GNB4: variants seen among roughly 807,000 people sequenced by gnomAD.
GNB4 encodes the protein guanine nucleotide-binding protein subunit beta-4.
GNB4 carries 28 observed loss-of-function variants against 45.2 expected under a neutral mutation model. The observed-to-expected ratio is 0.62, with a 90% CI of 0.46 to 0.85. GNB4 has a LOEUF of 0.85. Ranked by LOEUF, GNB4 falls within the 40% of genes least tolerant of loss-of-function variation. GNB4 has a pLI of 0.00. For missense variants in GNB4, 321 were observed against 425.4 expected (o/e 0.75, Z 2.16); for synonymous variants, 132 against 143.7 (o/e 0.92, Z 0.58).
intron 1 of GNB4, among the ~76,000 whole-genome samples, chr3:179,435,468 T>TAC (rs1553769285): frequency 3.5e-4 from 17 of 48,610 alleles, no homozygotes; most frequent in Admixed American, 1.9e-3. Flanking sequence ...TCCTTTCTTT[T>TAC]ACAAAAAAAA....
chr3:179,448,008 G>A (rs1021122066), intron 1 of GNB4, among the ~76,000 whole-genome samples: 24 of 152,132 alleles, frequency 1.6e-4, no homozygotes, highest in Non-Finnish European at 3.1e-4. Flanking sequence ...TGTCAAATGT[G>A]GCTGAAGATC....
chr3:179,516,448 A>T, the GNB4 span, among the ~76,000 whole-genome samples: 2 of 152,212 alleles, frequency 1.3e-5, no homozygotes, highest in African/African-American at 4.8e-5. Context: ...TTTCTGACTC[A>T]GGGAATGTGA....
the GNB4 span, among the ~76,000 whole-genome samples, chr3:179,520,625 T>C: frequency 1.3e-5 from 2 of 152,156 alleles, no homozygotes; most frequent in African/African-American, 2.4e-5. Context: ...CTGACGCATA[T>C]ACTTTCTGCT....
chr3:179,492,912 T>C, the GNB4 span, among the ~76,000 whole-genome samples: 1 of 152,202 alleles, frequency 6.6e-6, no homozygotes, highest in Admixed American at 6.5e-5. Flanking sequence ...CTGTCACCAC[T>C]GCAGATACCT....
chr3:179,499,511 T>A, the GNB4 span, among the ~76,000 whole-genome samples: 1 of 152,196 alleles, frequency 6.6e-6, no homozygotes, highest in Non-Finnish European at 1.5e-5. Flanking sequence ...TTTGGGCTGG[T>A]TCTAAGTCTT....
the GNB4 span, among the ~76,000 whole-genome samples, chr3:179,485,005 GTTTTTTTTTT>G: frequency 3.9e-5 from 2 of 51,148 alleles, no homozygotes; most frequent in African/African-American, 1.2e-4. Flanking sequence ...TTTTCGTTTT[GTTTTTTTTTT>G]TTTTTTTTTT....
chr3:179,414,532 T>G (rs187221834), intron 6 of GNB4, among the ~76,000 whole-genome samples: 2 of 152,308 alleles, frequency 1.3e-5, no homozygotes, highest in East Asian at 3.9e-4. Flanking sequence ...CTAATGTACC[T>G]TAATGCATAC....
At chr3:179,485,306 C>T in the GNB4 span, among the ~76,000 whole-genome samples, 1 of 152,022 alleles carries the variant, frequency 6.6e-6, no homozygotes, top group Admixed American at 6.6e-5. Flanking sequence ...GCCACTGCGC[C>T]CGGCCCATGG....
intron 8 of GNB4, among the ~76,000 whole-genome samples, chr3:179,408,363 T>C (rs1577026287): frequency 3.3e-5 from 5 of 152,014 alleles, no homozygotes; most frequent in African/African-American, 1.2e-4. Context: ...CCATCCAAAG[T>C]AAAATACAGA....
chr3:179,436,781 CT>C (rs910246639), intron 1 of GNB4, among the ~76,000 whole-genome samples: 2 of 152,124 alleles, frequency 1.3e-5, no homozygotes, highest in Admixed American at 1.3e-4. Flanking sequence ...ACGGCATTAA[CT>C]TTTGGTTTTT....
chr3:179,467,688 A>T, the GNB4 span, among the ~76,000 whole-genome samples: 1 of 152,222 alleles, frequency 6.6e-6, no homozygotes. Context: ...TGTCAGGCAC[A>T]TAGTAGGCAT....
At chr3:179,488,715 CG>C in the GNB4 span, among the ~76,000 whole-genome samples, 1 of 151,868 alleles carries the variant, frequency 6.6e-6, no homozygotes, top group East Asian at 1.9e-4. Context: ...CCATGCATGG[CG>C]GTTCAGGCCT....
the GNB4 span, among the ~76,000 whole-genome samples, chr3:179,463,265 A>G: frequency 4.6e-5 from 7 of 152,354 alleles, no homozygotes; most frequent in South Asian, 1.4e-3. Context: ...GAAATAAGAC[A>G]TTGAAAAGAA....
chr3:179,466,046 T>C, the GNB4 span, among the ~76,000 whole-genome samples: 15 of 146,576 alleles, frequency 1.0e-4, no homozygotes, highest in Admixed American at 1.0e-3. Flanking sequence ...AGTCTCGCTC[T>C]GTTGCCCAGG....
the GNB4 span, among the ~76,000 whole-genome samples, chr3:179,456,995 ACT>A: frequency 6.6e-6 from 1 of 151,924 alleles, no homozygotes; most frequent in African/African-American, 2.4e-5. Context: ...CAGACTTCAG[ACT>A]CTACTTAGGA....
the GNB4 span, among the ~76,000 whole-genome samples, chr3:179,511,200 T>G: frequency 5.9e-5 from 9 of 152,302 alleles, no homozygotes; most frequent in South Asian, 1.7e-3. Flanking sequence ...ACATTTACAG[T>G]ATCCAGAACT....
At chr3:179,425,642 T>C (rs6778289) in intron 2 of GNB4, among the ~76,000 whole-genome samples, 4,514 of 152,172 alleles carry the variant, frequency 0.03, 220 homozygotes, top group African/African-American at 0.1. Flanking sequence ...GGCTAATTTT[T>C]CTATTTTTAG....
intron 1 of GNB4, among the ~76,000 whole-genome samples, chr3:179,440,894 G>C (rs1715578886): frequency 1.3e-5 from 2 of 151,962 alleles, no homozygotes; most frequent in South Asian, 4.1e-4. Context: ...GAGAGAGAGA[G>C]AGAGAGAGAT....
At chr3:179,458,154 C>T in the GNB4 span, among the ~76,000 whole-genome samples, 6 of 152,192 alleles carry the variant, frequency 3.9e-5, no homozygotes, top group Non-Finnish European at 4.4e-5. Context: ...CCACCCGCCT[C>T]GGTCTCCCAA....
Sources: gnomAD v4.1 joint callset for allele counts (sites outside exome capture counted in the v4.1 genomes callset) on GRCh38, gnomAD v4.1.1 for gene constraint, MANE v1.5 for transcripts, NCBI Gene and HGNC (gene_info 2026-07-23, HGNC 2026-07-21) for gene names.